Variants in PARD3B observed in about 807,000 individuals in gnomAD.
PARD3B encodes partitioning defective 3 homolog B.
In PARD3B, 103 loss-of-function variants were observed where a neutral mutation model predicts 130.2. That is an observed-to-expected ratio of 0.79 (90% CI 0.67 to 0.93). The LOEUF (loss-of-function observed/expected upper bound fraction) is 0.93. Among genes scored for constraint, PARD3B ranks in the 40% least tolerant of loss-of-function variants. The probability of loss-of-function intolerance (pLI) is 0.00; values close to 1 mark genes in which losing one functional copy is unlikely to be tolerated. For missense variants in PARD3B, 1,609 were observed against 1,499.2 expected (o/e 1.07, Z -1.21); for synonymous variants, 583 against 553.2 (o/e 1.05, Z -0.76).
chr2:205,080,910 A>G (rs553872702), intron 4 of PARD3B, among the ~76,000 whole-genome samples: 7 of 152,204 alleles, frequency 4.6e-5, no homozygotes, highest in African/African-American at 1.4e-4. Context: ...TTTGTTGGCC[A>G]TGTTTATTTT....
At chr2:204,733,779 G>A (rs2039624352) in intron 2 of PARD3B, among the ~76,000 whole-genome samples, 1 of 151,932 alleles carries the variant, frequency 6.6e-6, no homozygotes, top group Non-Finnish European at 1.5e-5. Flanking sequence ...AGATAATTAA[G>A]TGGAGGGAAA....
intron 18 of PARD3B, among the ~76,000 whole-genome samples, chr2:205,395,065 G>C (rs570644714): frequency 5.3e-5 from 8 of 152,030 alleles, no homozygotes; most frequent in Admixed American, 5.2e-4. Context: ...CTCCATCTCC[G>C]ACCTCTCACT....
intron 2 of PARD3B, among the ~76,000 whole-genome samples, chr2:204,766,799 T>C (rs2041169181): frequency 9.7e-6 from 1 of 103,498 alleles, no homozygotes; most frequent in South Asian, 4.1e-4. Context: ...ATATGCCCTT[T>C]TGTAAATCAA....
chr2:204,676,362 T>C (rs1193449760), intron 1 of PARD3B, among the ~76,000 whole-genome samples: 3 of 152,050 alleles, frequency 2.0e-5, no homozygotes, highest in Non-Finnish European at 4.4e-5. Context: ...ATTCAAAATA[T>C]GATGTTTTGT....
At chr2:204,835,669 T>C (rs919577280) in intron 2 of PARD3B, among the ~76,000 whole-genome samples, 1 of 152,190 alleles carries the variant, frequency 6.6e-6, no homozygotes, top group Admixed American at 6.5e-5. Context: ...GACTTGAGAT[T>C]TTTTGACTTA....
chr2:205,369,079 A>G (rs188791263), intron 18 of PARD3B, among the ~76,000 whole-genome samples: 1 of 152,282 alleles, frequency 6.6e-6, no homozygotes, highest in East Asian at 1.9e-4. Flanking sequence ...AGCTTTACCT[A>G]CTGAACACTT....
rs969135500 is a variant in PARD3B, at chr2:204,825,190, G to A, written c.222+138908G>A. Among the ~76,000 whole-genome samples the A allele has an allele frequency of 2.0e-5, 3 of 152,170 alleles. No individual in the cohort carries two copies. The East Asian group carries it at 5.8e-4, about 29-fold the overall frequency. Reference sequence around the variant, plus strand: ...TGTTATCTGTTCGTGTAGTCAGTGCGTCAAGCATGAAAGCAGTTGATTTGC... The same window carrying A: ...TGTTATCTGTTCGTGTAGTCAGTGCATCAAGCATGAAAGCAGTTGATTTGC... On this transcript the variant is annotated intron_variant, in intron 2 of 22. Transcript: ENST00000406610.
At chr2:205,604,885 C>T (rs537165161) in intron 22 of PARD3B, among the ~76,000 whole-genome samples, 1 of 152,176 alleles carries the variant, frequency 6.6e-6, no homozygotes, top group East Asian at 1.9e-4. Flanking sequence ...TCCCATAGTT[C>T]TCAGGGAATT....
chr2:205,561,653 G>A (rs571848824), intron 22 of PARD3B, among the ~76,000 whole-genome samples: 1 of 152,252 alleles, frequency 6.6e-6, no homozygotes, highest in Non-Finnish European at 1.5e-5. Flanking sequence ...TGTGAATCAT[G>A]GCCAGTGGCT....
rs149451076 is a variant in PARD3B at position 204,763,037 on chromosome 2, T to C, written c.222+76755T>C. Among the ~76,000 whole-genome samples the C allele has an allele frequency of 3.3e-3, 503 of 152,158 alleles. 4 individuals carry two copies. The highest frequency in any genetic ancestry group is 0.011 in the African/African-American group (449 of 41,522). ...GGCCTCCCAAAGTGCTGGGATTACA[T>C]GCGTGAGCCACTGCGCCCGGCCTTG... On this transcript the variant is annotated intron_variant, in intron 2 of 22. Coordinates refer to ENST00000406610, the MANE Select transcript of PARD3B (RefSeq NM_001302769.2).
At chr2:205,531,608 C>T (rs958321242) in intron 21 of PARD3B, among the ~76,000 whole-genome samples, 1 of 151,994 alleles carries the variant, frequency 6.6e-6, no homozygotes, top group Admixed American at 6.6e-5. Context: ...TCCAGTCTTG[C>T]ATGTTATTGT....
intron 15 of PARD3B, among the ~76,000 whole-genome samples, chr2:205,245,016 G>A (rs115655925): frequency 4.2e-4 from 64 of 152,296 alleles, no homozygotes; most frequent in African/African-American, 1.5e-3. Context: ...ACATATATGA[G>A]GAGATTTTTC....
intron 4 of PARD3B, among the ~76,000 whole-genome samples, chr2:205,056,884 A>AAC (rs770319889): frequency 9.4e-4 from 139 of 147,248 alleles, no homozygotes; most frequent in East Asian, 1.4e-3. Flanking sequence ...AAAGGACACA[A>AAC]ACACACACAC....
intron 2 of PARD3B, among the ~76,000 whole-genome samples, chr2:204,877,669 C>T (rs1559221303): frequency 6.6e-6 from 1 of 152,134 alleles, no homozygotes; most frequent in African/African-American, 2.4e-5. Context: ...TATACCATGA[C>T]TTTCTGAATT....
chr2:205,223,538 A>T (rs1282073541), intron 15 of PARD3B, among the ~76,000 whole-genome samples: 1 of 152,160 alleles, frequency 6.6e-6, no homozygotes, highest in East Asian at 1.9e-4. Context: ...TGTTGTCAGG[A>T]CAGGAGAATA....
In PARD3B at chr2:205,267,435, C is replaced by CA. The variant is rs375025490; in HGVS notation, c.2185+21614dup. On this transcript the variant is annotated intron_variant, in intron 16 of 22. Coordinates refer to ENST00000406610, the MANE Select transcript of PARD3B (RefSeq NM_001302769.2). ...ATAGAAGGTGCCAAATTGTGTGACA[C>CA]AGACAATAGGGCAACAGGGCTCAGA... Among the ~76,000 whole-genome samples the CA allele has an allele frequency of 1.8e-3, 270 of 152,220 alleles. 2 individuals carry two copies. The highest frequency in any genetic ancestry group is 6.4e-3 in the African/African-American group (265 of 41,546).
intron 12 of PARD3B, 44 bp downstream of exon 12, chr2:205,172,425 C>A (rs746123562): frequency 6.3e-7 from 1 of 1,575,080 alleles, no homozygotes. Flanking sequence ...CCCAAATTGC[C>A]ACCAGAATAT....
rs1022495957 is a variant in PARD3B, at chr2:205,341,452, G to A, written c.2630+39751G>A. Among the ~76,000 whole-genome samples, 1 of 152,056 alleles carries A rather than the reference G, an allele frequency of 6.6e-6. No individual in the cohort carries two copies. Among genetic ancestry groups the A allele is most frequent in the African/African-American group, 2.4e-5 (1 of 41,422 alleles). The stretch of plus-strand genomic sequence containing the variant: ...CTGTCATTTGCAGCAACATGGATGA[G>A]CCTGGAGGACATTATGTTAAACAAA... On this transcript the variant is annotated intron_variant, in intron 18 of 22. Transcript: ENST00000406610. This position sits in a 1 kb window ranked among gnomAD's most constrained non-coding sequence, Gnocchi z 4.3.
intron 20 of PARD3B, among the ~76,000 whole-genome samples, chr2:205,479,070 A>ATATGTG (rs1230249631): frequency 6.6e-6 from 1 of 152,196 alleles, no homozygotes; most frequent in Non-Finnish European, 1.5e-5. Context: ...TGTCTGTGGA[A>ATATGTG]TATGTGTAAA....
Sources: gnomAD v4.1 joint callset for allele counts (sites outside exome capture counted in the v4.1 genomes callset) on GRCh38, gnomAD v4.1.1 for gene constraint, Gnocchi (gnomAD v3.1) non-coding constraint, MANE v1.5 for transcripts, NCBI Gene and HGNC (gene_info 2026-07-23, HGNC 2026-07-21) for gene names.